Variants in SKAP2 observed in about 807,000 individuals in gnomAD.
SKAP2 encodes src kinase associated phosphoprotein 2.
Under a neutral mutation model 54.9 loss-of-function variants are expected in SKAP2, and 28 were observed. The observed-to-expected ratio is 0.51, with a 90% CI of 0.38 to 0.70. The LOEUF (loss-of-function observed/expected upper bound fraction) is 0.70, where lower values mean the gene tolerates loss of function less well. SKAP2 is among the 30% of genes least tolerant of loss of function. The pLI, the probability that SKAP2 is intolerant of heterozygous loss-of-function variation, is 0.00. For synonymous variants in SKAP2, 137 were observed against 134.3 expected, an observed-to-expected ratio of 1.02 and a Z score of -0.14; for missense variants, 356 against 424.1, an observed-to-expected ratio of 0.84 and a Z score of 1.41.
chr7:26,822,964 A>G (rs180920491), intron 4 of SKAP2, among the ~76,000 whole-genome samples: 2 of 152,320 alleles, frequency 1.3e-5, no homozygotes, highest in Admixed American at 6.5e-5. Context: ...GTAAATCAAA[A>G]GGTACAAAAG....
intron 10 of SKAP2, among the ~76,000 whole-genome samples, chr7:26,688,111 A>G (rs1216756403): frequency 1.3e-5 from 2 of 152,286 alleles, no homozygotes; most frequent in African/African-American, 4.8e-5. Context: ...GTTATGAAAC[A>G]TGTAGACAGA....
chr7:26,858,620 A>G (rs960723617), intron 1 of SKAP2, among the ~76,000 whole-genome samples: 1 of 152,026 alleles, frequency 6.6e-6, no homozygotes, highest in African/African-American at 2.4e-5. Context: ...CCCTTTTAAC[A>G]TATAGACCTC....
At chr7:26,799,895 G>A (rs6461973) in intron 4 of SKAP2, among the ~76,000 whole-genome samples, 45,280 of 151,766 alleles carry the variant, frequency 0.3, 7,054 homozygotes, top group Middle Eastern at 0.37. Flanking sequence ...GAGGCAGGTG[G>A]ATCACGAGGT....
intron 3 of SKAP2, among the ~76,000 whole-genome samples, chr7:26,852,959 T>C (rs571059158): frequency 7.2e-5 from 11 of 152,264 alleles, no homozygotes; most frequent in African/African-American, 2.6e-4. Context: ...AAACAAAATG[T>C]AGCATAATTA....
chr7:26,851,712 T>C (rs1326198831), intron 3 of SKAP2, among the ~76,000 whole-genome samples: 1 of 134,352 alleles, frequency 7.4e-6, no homozygotes, highest in Non-Finnish European at 1.6e-5. Flanking sequence ...ACTTAAAGTA[T>C]AATAATTAAA....
intron 4 of SKAP2, among the ~76,000 whole-genome samples, chr7:26,810,637 C>T (rs921130472): frequency 6.6e-6 from 1 of 152,146 alleles, no homozygotes; most frequent in Non-Finnish European, 1.5e-5. Context: ...AATGTATACA[C>T]ATATCAAAAC....
In SKAP2 at chr7:26,668,954, CA is replaced by C. The variant is rs1335679771; in HGVS notation, c.*711del. The C allele has an allele frequency of 6.6e-6, 1 of 151,998 alleles. No individual in the cohort carries two copies. The highest frequency in any genetic ancestry group is 1.5e-5 in the Non-Finnish European group (1 of 68,012). 9.4% of individuals were successfully genotyped at this position (151,998 alleles called of 1,614,324 possible). On this transcript the variant is annotated 3_prime_UTR_variant, in exon 13 of 13. Transcript: ENST00000345317. ...GTTTCATTAAATTTAAACAAAAGTA[CA>C]GTAGAAAATGTTGCCAGGCCCATCA...
At chr7:26,725,332 C>G in intron 9 of SKAP2, 96 bp downstream of exon 9, 5 of 788,530 alleles carry the variant, frequency 6.3e-6, no homozygotes, top group Non-Finnish European at 9.6e-6. Flanking sequence ...TCTACTCAAG[C>G]TGTCGAGGAC....
intron 4 of SKAP2, among the ~76,000 whole-genome samples, chr7:26,779,368 C>G (rs528689036): frequency 6.6e-6 from 1 of 151,918 alleles, no homozygotes; most frequent in Non-Finnish European, 1.5e-5. Context: ...GGAAATAATT[C>G]CATTCATTTT....
chr7:26,849,363 A>C (rs1784991668), intron 3 of SKAP2, among the ~76,000 whole-genome samples: 1 of 152,146 alleles, frequency 6.6e-6, no homozygotes, highest in Non-Finnish European at 1.5e-5. Context: ...TATCTCTAGC[A>C]CCTGAAGCAG....
chr7:26,830,461 C>G (rs933334233), intron 4 of SKAP2, among the ~76,000 whole-genome samples: 2 of 152,098 alleles, frequency 1.3e-5, no homozygotes, highest in Non-Finnish European at 2.9e-5. Flanking sequence ...CTAGACCCTA[C>G]CCCTAAACTG....
At chr7:26,803,221 C>T (rs772689226) in intron 4 of SKAP2, among the ~76,000 whole-genome samples, 1 of 152,170 alleles carries the variant, frequency 6.6e-6, no homozygotes, top group Non-Finnish European at 1.5e-5. Context: ...AAATACCCCT[C>T]TGACAAGGGA....
chr7:26,725,793 TATTA>T, intron 8 of SKAP2, 126 bp downstream of exon 8: 1 of 843,102 alleles, frequency 1.2e-6, no homozygotes, highest in Non-Finnish European at 1.9e-6. Flanking sequence ...GAGTGGTCTG[TATTA>T]ATAACAGTCA....
intron 4 of SKAP2, among the ~76,000 whole-genome samples, chr7:26,771,283 C>T (rs768419990): frequency 5.3e-5 from 8 of 152,110 alleles, no homozygotes; most frequent in Admixed American, 1.3e-4. Flanking sequence ...AATCAAAGAG[C>T]CTGGTTTCTA....
At chr7:26,693,380 C>A (rs1305216756) in intron 9 of SKAP2, among the ~76,000 whole-genome samples, 3 of 150,186 alleles carry the variant, frequency 2.0e-5, no homozygotes, top group Admixed American at 1.3e-4. Context: ...GATTTCACCA[C>A]CCAAATCAGC....
At chr7:26,857,261 C>T (rs1203616096) in intron 1 of SKAP2, among the ~76,000 whole-genome samples, 1 of 106,426 alleles carries the variant, frequency 9.4e-6, no homozygotes, top group Non-Finnish European at 1.7e-5. Context: ...GTGACTTTTT[C>T]GTGATTATTT....
chr7:26,682,299 A>G (rs907075271), intron 11 of SKAP2, among the ~76,000 whole-genome samples: 1 of 152,232 alleles, frequency 6.6e-6, no homozygotes, highest in Non-Finnish European at 1.5e-5. Context: ...ATTTGTCTGA[A>G]GGAAGGTAAG....
intron 11 of SKAP2, among the ~76,000 whole-genome samples, chr7:26,677,908 C>T (rs212845): frequency 0.45 from 68,079 of 152,008 alleles, 16,433 homozygotes; most frequent in East Asian, 0.59. Flanking sequence ...TAACATGGTT[C>T]GCTGTTGTTT....
chr7:26,854,746 C>T, intron 2 of SKAP2, 39 bp downstream of exon 2: 1 of 1,534,220 alleles, frequency 6.5e-7, no homozygotes, highest in Non-Finnish European at 8.9e-7. Flanking sequence ...AAAACTGCTT[C>T]TATGTAAGAA....
Sources: allele counts gnomAD v4.1 joint callset (sites outside exome capture counted in the v4.1 genomes callset), GRCh38; gene constraint gnomAD v4.1.1; transcripts MANE v1.5; gene names NCBI Gene and HGNC (gene_info 2026-07-23, HGNC 2026-07-21).